DNAJC5B: variants seen among roughly 807,000 people sequenced by gnomAD.
DNAJC5B encodes DnaJ heat shock protein family (Hsp40) member C5 beta, also known as dnaJ homolog subfamily C member 5B.
In DNAJC5B, 23 loss-of-function variants were observed where a neutral mutation model predicts 24.7. The ratio of observed to expected loss-of-function variants is 0.93; its 90% CI spans 0.67 to 1.32. The LOEUF is 1.32. Among genes scored for constraint, DNAJC5B ranks in the 40% most tolerant of loss-of-function variants. The probability of loss-of-function intolerance (pLI) is 0.00; values close to 1 mark genes in which losing one functional copy is unlikely to be tolerated. For synonymous variants in DNAJC5B, 101 were observed against 90.1 expected (o/e 1.12, Z -0.68); for missense variants, 238 against 240.8 (o/e 0.99, Z 0.08).
rs73691271 is a variant in DNAJC5B at position 66,051,403 on chromosome 8, C to T, written c.-17-128C>T. On this transcript the variant is annotated intron_variant, in intron 2 of 5. Transcript: ENST00000276570. ...GGCTCTCCTAACCCTTTTCTCCCCTCTTTTTGTAGTTGGTACACAAATATT... is the reference window on the plus strand; with the variant it reads ...GGCTCTCCTAACCCTTTTCTCCCCTTTTTTTGTAGTTGGTACACAAATATT... 5.3e-3 allele frequency: 3,457 copies of T among 650,714 alleles called. 110 individuals are homozygous for T. The African/African-American group carries it at 0.055, about 10-fold the overall frequency. 40.3% of individuals were successfully genotyped at this position (650,714 alleles called of 1,614,324 possible). A position where few individuals can be genotyped will look rare whatever the true frequency, so the allele number is the denominator to read the frequency against.
intron 3 of DNAJC5B, among the ~76,000 whole-genome samples, chr8:66,074,811 C>T (rs558693113): frequency 7.3e-4 from 111 of 152,222 alleles, no homozygotes; most frequent in African/African-American, 2.5e-3. Flanking sequence ...CCATACTTCC[C>T]GAGGATTCCT....
chr8:66,057,788 G>A (rs1181357037), intron 3 of DNAJC5B: 1 of 152,206 alleles, frequency 6.6e-6, no homozygotes, highest in East Asian at 1.9e-4. Flanking sequence ...ACTGATGAAA[G>A]AGAAGAACTG....
intron 1 of DNAJC5B, among the ~76,000 whole-genome samples, chr8:66,041,368 C>A (rs1380921904): frequency 1.3e-5 from 2 of 152,148 alleles, no homozygotes; most frequent in African/African-American, 2.4e-5. Context: ...GTTGAATATT[C>A]AAATAATTGA....
intron 2 of DNAJC5B, among the ~76,000 whole-genome samples, chr8:66,045,015 G>T (rs959132134): frequency 6.6e-6 from 1 of 152,156 alleles, no homozygotes; most frequent in Admixed American, 6.5e-5. Context: ...CATCTTTACA[G>T]TCATTAAAGG....
chr8:66,090,474 A>T (rs932076307), intron 5 of DNAJC5B, among the ~76,000 whole-genome samples: 4 of 152,164 alleles, frequency 2.6e-5, no homozygotes, highest in African/African-American at 4.8e-5. Flanking sequence ...AAACAAAAAA[A>T]CTGTGGAGTC....
chr8:66,063,685 C>A (rs943391333), intron 3 of DNAJC5B, among the ~76,000 whole-genome samples: 1 of 152,148 alleles, frequency 6.6e-6, no homozygotes. Context: ...AGAATCATTA[C>A]GATCCGTAAC....
chr8:66,031,231 T>C (rs1486676977), intron 1 of DNAJC5B, among the ~76,000 whole-genome samples: 1 of 152,238 alleles, frequency 6.6e-6, no homozygotes. Context: ...GAGTTTAAGG[T>C]AATGATATTG....
chr8:66,090,423 A>T (rs1807823883), intron 5 of DNAJC5B, among the ~76,000 whole-genome samples: 1 of 152,148 alleles, frequency 6.6e-6, no homozygotes. Context: ...GTAGAATGAC[A>T]TCCAACCAAA....
rs1807955337 is a variant in DNAJC5B at position 66,096,458 on chromosome 8, AAGC to A, written c.506-3476_506-3474del. ...CTTGATTTCATGAGTTAGGTGCTGA[AAGC>A]AGTCAAATTTTCCACAGTGATGATG... On this transcript the variant is annotated intron_variant, in intron 5 of 5. Coordinates refer to ENST00000276570, the MANE Select transcript of DNAJC5B (RefSeq NM_033105.6). 3.3e-5 allele frequency among the ~76,000 whole-genome samples: 5 copies of A among 152,320 alleles called. No individual in the cohort carries two copies. In the South Asian group the frequency reaches 1.0e-3, roughly 32 times the overall value.
chr8:66,074,862 T>C (rs1436965945), intron 3 of DNAJC5B, among the ~76,000 whole-genome samples: 2 of 152,166 alleles, frequency 1.3e-5, no homozygotes, highest in Non-Finnish European at 2.9e-5. Flanking sequence ...AAAATGTTGC[T>C]GATGACCAGG....
intron 5 of DNAJC5B, among the ~76,000 whole-genome samples, chr8:66,098,860 A>T (rs1348975783): frequency 1.3e-5 from 2 of 152,044 alleles, no homozygotes; most frequent in Admixed American, 1.3e-4. Flanking sequence ...TTAAAACATA[A>T]TTCTTTTGTA....
intron 1 of DNAJC5B, among the ~76,000 whole-genome samples, chr8:66,026,882 C>A (rs189479348): frequency 6.6e-6 from 1 of 152,176 alleles, no homozygotes; most frequent in Non-Finnish European, 1.5e-5. Flanking sequence ...TGCTGACCTC[C>A]GGAGGCATGC....
At chr8:66,043,098 C>T (rs1806649365) in intron 1 of DNAJC5B, among the ~76,000 whole-genome samples, 1 of 152,164 alleles carries the variant, frequency 6.6e-6, no homozygotes, top group Non-Finnish European at 1.5e-5. Flanking sequence ...AGTACTGTGA[C>T]TCAATGCCTC....
chr8:66,035,024 T>C (rs541973808), intron 1 of DNAJC5B, among the ~76,000 whole-genome samples: 1 of 152,344 alleles, frequency 6.6e-6, no homozygotes, highest in South Asian at 2.1e-4. Context: ...GCTATCGACA[T>C]TTTTCATAAA....
chr8:66,016,588 A>G (rs943258286), upstream of DNAJC5B, among the ~76,000 whole-genome samples: 11 of 152,314 alleles, frequency 7.2e-5, no homozygotes, highest in African/African-American at 2.6e-4. Context: ...CAGCGTGAAG[A>G]CAAACTAATA....
chr8:66,070,200 T>C lies in DNAJC5B; in HGVS notation c.120-6460T>C, dbSNP rs1280381633. ...CTCCTATTCAACATAGCAGTGGAAGTTCTGGCCAGGGCAATCAGGCAAGAG... is the reference window on the plus strand; with the variant it reads ...CTCCTATTCAACATAGCAGTGGAAGCTCTGGCCAGGGCAATCAGGCAAGAG... On this transcript the variant is annotated intron_variant, in intron 3 of 5. Coordinates refer to ENST00000276570, the MANE Select transcript of DNAJC5B (RefSeq NM_033105.6). 3.9e-5 allele frequency among the ~76,000 whole-genome samples: 6 copies of C among 152,276 alleles called. No individual in the cohort carries two copies. The East Asian group carries it at 9.7e-4, about 24-fold the overall frequency.
rs6989760 is a variant in DNAJC5B, at chr8:66,098,419, T to C, written c.506-1518T>C. Among the ~76,000 whole-genome samples the C allele has an allele frequency of 7.6e-3, 1,160 of 152,052 alleles. 17 individuals are homozygous for C. Among genetic ancestry groups the C allele is most frequent in the African/African-American group, 0.026 (1,096 of 41,460 alleles). On this transcript the variant is annotated intron_variant, in intron 5 of 5. Coordinates refer to ENST00000276570, the MANE Select transcript of DNAJC5B (RefSeq NM_033105.6). The stretch of plus-strand genomic sequence containing the variant: ...AGTTTCACCATGTTGGCCAGGATGG[T>C]CTTGATCTCCTGACCTCATGATCCA...
At chr8:66,022,340 C>T (rs577640925) in intron 1 of DNAJC5B, among the ~76,000 whole-genome samples, 2 of 152,146 alleles carry the variant, frequency 1.3e-5, no homozygotes, top group East Asian at 1.9e-4. Flanking sequence ...CTCTGAGTGA[C>T]GGCAAAGAAC....
upstream of DNAJC5B, among the ~76,000 whole-genome samples, chr8:66,017,580 G>T (rs1166145559): frequency 6.6e-6 from 1 of 152,200 alleles, no homozygotes; most frequent in Non-Finnish European, 1.5e-5. Flanking sequence ...CATCTTTTAA[G>T]AGGGAGTCCA....
Sources: allele counts gnomAD v4.1 joint callset (sites outside exome capture counted in the v4.1 genomes callset), GRCh38; gene constraint gnomAD v4.1.1; transcripts MANE v1.5; gene names NCBI Gene and HGNC (gene_info 2026-07-23, HGNC 2026-07-21).